VSIG8: variants seen among roughly 807,000 people sequenced by gnomAD.
VSIG8 encodes V-set and immunoglobulin domain containing 8, also known as V-set and immunoglobulin domain-containing protein 8.
VSIG8 carries 32 observed loss-of-function variants against 42.6 expected under a neutral mutation model. The observed-to-expected ratio is 0.75, with a 90% confidence interval of 0.57 to 1.01. The LOEUF (loss-of-function observed/expected upper bound fraction) is 1.01. Among genes scored for constraint, VSIG8 ranks in the 50% least tolerant of loss-of-function variants. VSIG8 has a pLI of 0.00. For missense variants in VSIG8, 529 were observed against 558.0 expected (o/e 0.95, Z 0.52); for synonymous variants, 290 against 243.8 (o/e 1.19, Z -1.77).
chr1:159,861,435 C>T (rs1330310822), intron 1 of VSIG8: 3 of 152,156 alleles, frequency 2.0e-5, no homozygotes, highest in African/African-American at 4.8e-5. Context: ...GAGTTGTCCT[C>T]ACACACCCAT....
At position 159,854,742 on chromosome 1, in the gene VSIG8, G is replaced by GGCGC; in HGVS notation, c.*7_*10dup. 1 of 1,461,734 alleles carries GGCGC rather than the reference G, an allele frequency of 6.8e-7. No individual in the cohort carries two copies. The highest frequency in any genetic ancestry group is 2.3e-4 in the Middle Eastern group (1 of 4,262). 90.5% of individuals were successfully genotyped at this position (1,461,734 alleles called of 1,614,324 possible). ...TCCTGGCTGGGGCGCAGCCCGGCCC[G>GGCGC]GCGCGCGCGCTCACACCAAGAGGCC... On this transcript the variant is annotated 3_prime_UTR_variant, in exon 7 of 7. Coordinates refer to ENST00000368100, the MANE Select transcript of VSIG8 (RefSeq NM_001013661.1).
chr1:159,854,442 A>C lies in VSIG8; in HGVS notation c.*311T>G. 1.3e-4 allele frequency: 32 copies of C among 248,586 alleles called. No individual in the cohort carries two copies. The highest frequency in any genetic ancestry group is 3.6e-4 in the East Asian group (3 of 8,422). 15.4% of individuals were successfully genotyped at this position (248,586 alleles called of 1,614,324 possible). A position where few individuals can be genotyped will look rare whatever the true frequency, so the allele number is the denominator to read the frequency against. The stretch of plus-strand genomic sequence containing the variant: ...CCGGGGCCCTCTGCTTAGGCTGGGG[A>C]CACCAGGCCTCCGGCCTCAGCCGCT... On this transcript the variant is annotated 3_prime_UTR_variant, in exon 7 of 7. Coordinates refer to ENST00000368100, the MANE Select transcript of VSIG8 (RefSeq NM_001013661.1).
In VSIG8 at chr1:159,858,917, G is replaced by A. The variant is rs771560026; in HGVS notation, c.50-5C>T. On this transcript the variant is annotated splice_region_variant and splice_polypyrimidine_tract_variant and intron_variant, in intron 1 of 6. Transcript: ENST00000368100. The stretch of plus-strand genomic sequence containing the variant: ...TCCGCACAGCAGACAGCAGTGCTAG[G>A]GGGAGGGCAGAGAAGATGGGGTGGT... The A allele has an allele frequency of 8.1e-6, 13 of 1,611,228 alleles. No individual in the cohort carries two copies. The highest frequency in any genetic ancestry group is 1.1e-5 in the South Asian group (1 of 90,898).
intron 3 of VSIG8, 52 bp from the exon 4 acceptor site, chr1:159,858,018 A>C: frequency 6.2e-7 from 1 of 1,611,968 alleles, no homozygotes; most frequent in Non-Finnish European, 8.5e-7. Context: ...AGACAGAGCC[A>C]GGCTCAAAGT....
chr1:159,862,166 A>G (rs765523567), intron 1 of VSIG8: 5 of 347,516 alleles, frequency 1.4e-5, no homozygotes, highest in African/African-American at 6.3e-5. Flanking sequence ...AGAGCAATCA[A>G]TCCCTCTCCT....
chr1:159,858,056 A>AG (rs1287310648), intron 3 of VSIG8, 34 bp downstream of exon 3: 1 of 1,613,872 alleles, frequency 6.2e-7, no homozygotes, highest in African/African-American at 1.3e-5. Context: ...CTCTTAAGCC[A>AG]GGGGGAGAGG....
chr1:159,858,054 C>A lies in VSIG8; in HGVS notation c.430+36G>T. On this transcript the variant is annotated intron_variant, in intron 3 of 6. Coordinates refer to ENST00000368100, the MANE Select transcript of VSIG8 (RefSeq NM_001013661.1). Reference sequence around the variant, plus strand: ...GGCCAAGCTGCCCTTGGCTCTTAAGCCAGGGGGAGAGGAGCTTAGAGGAGT... The same window carrying A: ...GGCCAAGCTGCCCTTGGCTCTTAAGACAGGGGGAGAGGAGCTTAGAGGAGT... 2.5e-6 allele frequency: 4 copies of A among 1,613,786 alleles called. No homozygotes were observed. The South Asian group carries it at 4.4e-5, about 18-fold the overall frequency.
rs140295916 is a variant in VSIG8 at position 159,857,914 on chromosome 1, G to A, written c.483C>T (p.Asn161=). The A allele has an allele frequency of 5.9e-5, 95 of 1,614,190 alleles. No individual in the cohort carries two copies. Among genetic ancestry groups the A allele is most frequent in the South Asian group, 4.0e-4 (36 of 91,080 alleles). Residue 161 remains asparagine (N), a synonymous_variant, in exon 4 of 7, where the codon AAC becomes AAT. Coordinates refer to ENST00000368100, the MANE Select transcript of VSIG8 (RefSeq NM_001013661.1). The part of the protein sequence containing the change: ...CWTEGHMTYG[N]DVVLKCYASG... ...TGGCATAGCACTTCAGCACCACATC[G>A]TTGCCATATGTCATGTGGCCCTCTG... is the stretch of plus-strand genomic sequence containing the variant.
chr1:159,855,797 C>A, intron 6 of VSIG8, 86 bp downstream of exon 6: 2 of 1,446,378 alleles, frequency 1.4e-6, no homozygotes. Flanking sequence ...GTGGGGGGCC[C>A]AGCCGGCCGG....
chr1:159,861,150 G>C (rs527468678), intron 1 of VSIG8: 5 of 152,520 alleles, frequency 3.3e-5, no homozygotes, highest in Admixed American at 1.3e-4. Context: ...GTGGAAGAGA[G>C]AGCTGGATGG....
intron 6 of VSIG8, 82 bp downstream of exon 6, chr1:159,855,801 C>A: frequency 6.9e-7 from 1 of 1,452,650 alleles, no homozygotes. Flanking sequence ...GGGGCCCAGC[C>A]GGCCGGTGGC....
At chr1:159,855,556 T>C (rs1163998102) in intron 6 of VSIG8, 4 of 985,258 alleles carry the variant, frequency 4.1e-6, no homozygotes, top group Non-Finnish European at 4.8e-6. Context: ...TAAATAATAA[T>C]GTCAGAGTTC....
At chr1:159,860,004 A>G (rs1046353217) in intron 1 of VSIG8, among the ~76,000 whole-genome samples, 1 of 151,782 alleles carries the variant, frequency 6.6e-6, no homozygotes, top group Non-Finnish European at 1.5e-5. Context: ...CACCCTGGAC[A>G]CTCTGCCCTC....
At chr1:159,855,523 C>T (rs1409517117) in intron 6 of VSIG8, 12 of 984,920 alleles carry the variant, frequency 1.2e-5, no homozygotes, top group Non-Finnish European at 1.4e-5. Context: ...GTTATTAGCA[C>T]TATTCTTATT....
chr1:159,855,477 T>G, intron 6 of VSIG8: 12 of 1,382,270 alleles, frequency 8.7e-6, no homozygotes, highest in Non-Finnish European at 1.1e-5. Flanking sequence ...CTACTAGACT[T>G]GTTCTATTTT....
chr1:159,861,261 GC>G (rs1386534558), intron 1 of VSIG8: 1 of 152,112 alleles, frequency 6.6e-6, no homozygotes, highest in African/African-American at 2.4e-5. Context: ...AACTGGCCAT[GC>G]TTTACGGGGT....
At position 159,862,466 on chromosome 1, in the gene VSIG8, C is replaced by A; in HGVS notation, c.49+7G>T. 6.2e-7 allele frequency: 1 copy of A among 1,612,010 alleles called. No homozygotes were observed. The highest frequency in any genetic ancestry group is 8.5e-7 in the Non-Finnish European group (1 of 1,178,724). On this transcript the variant is annotated splice_region_variant and intron_variant, in intron 1 of 6. Coordinates refer to ENST00000368100, the MANE Select transcript of VSIG8 (RefSeq NM_001013661.1). The stretch of plus-strand genomic sequence containing the variant: ...CTGGCTACCCTGCCCCCTGCCCAGC[C>A]CCGTACCTGGGCTCAGGCACACGAG...
rs1049475039 is a variant in VSIG8, at chr1:159,859,020, C to A, written c.50-108G>T. ...TTCTCTGTCCACGGCACCCAGAGGT[C>A]AGCAGTGCTTTCATAAAAAGGAGGG... is the stretch of plus-strand genomic sequence containing the variant. On this transcript the variant is annotated intron_variant, in intron 1 of 6. Transcript: ENST00000368100. The A allele has an allele frequency of 1.5e-5, 18 of 1,210,570 alleles. No individual in the cohort carries two copies. In the African/African-American group the frequency reaches 2.6e-4, roughly 17 times the overall value. 75.0% of individuals were successfully genotyped at this position (1,210,570 alleles called of 1,614,324 possible).
chr1:159,860,447 A>T lies in VSIG8; in HGVS notation c.50-1535T>A, dbSNP rs188059020. 6.6e-5 allele frequency among the ~76,000 whole-genome samples: 10 copies of T among 152,358 alleles called. No homozygotes were observed. In the East Asian group the frequency reaches 1.9e-3, roughly 29 times the overall value. On this transcript the variant is annotated intron_variant, in intron 1 of 6. Transcript: ENST00000368100. ...CAGACATATCTATGGAAGCCCTGCC[A>T]GGAAGGCTTAGCCTGGCTCCAGAGA...
Sources: allele counts gnomAD v4.1 joint callset (sites outside exome capture counted in the v4.1 genomes callset), GRCh38; gene constraint gnomAD v4.1.1; transcripts MANE v1.5; gene names NCBI Gene and HGNC (gene_info 2026-07-23, HGNC 2026-07-21).